Variants in PLPP4 observed in about 807,000 individuals in gnomAD.
The protein encoded by PLPP4 is diacylglycerol pyrophosphate like 2.
In PLPP4, 20 loss-of-function variants were observed where a neutral mutation model predicts 32.2. The ratio of observed to expected loss-of-function variants is 0.62; its 90% confidence interval spans 0.44 to 0.90. The LOEUF (loss-of-function observed/expected upper bound fraction) is 0.90. PLPP4 is among the 40% of genes least tolerant of loss of function. The pLI, the probability that PLPP4 is intolerant of heterozygous loss-of-function variation, is 0.00. For missense variants in PLPP4, 257 were observed against 353.1 expected, an observed-to-expected ratio of 0.73 and a Z score of 2.18; for synonymous variants, 127 against 133.0, an observed-to-expected ratio of 0.95 and a Z score of 0.31.
chr10:120,568,843 T>C (rs1312593372), intron 5 of PLPP4, among the ~76,000 whole-genome samples: 1 of 152,232 alleles, frequency 6.6e-6, no homozygotes, highest in Non-Finnish European at 1.5e-5. Context: ...GTCAGTAGTT[T>C]TCTCCAGTGC....
chr10:120,491,218 A>T (rs733221), intron 1 of PLPP4, among the ~76,000 whole-genome samples: 14,888 of 152,074 alleles, frequency 0.098, 973 homozygotes, highest in East Asian at 0.29. Flanking sequence ...AATTCTGCAG[A>T]TTTCCCTGGG....
At chr10:120,573,314 G>T (rs962284539) in intron 5 of PLPP4, among the ~76,000 whole-genome samples, 2 of 151,914 alleles carry the variant, frequency 1.3e-5, no homozygotes, top group Admixed American at 1.3e-4. Context: ...TTAAACCACT[G>T]TAACTTTGTT....
At chr10:120,532,076 A>T (rs1846765091) in intron 5 of PLPP4, among the ~76,000 whole-genome samples, 1 of 151,802 alleles carries the variant, frequency 6.6e-6, no homozygotes, top group Non-Finnish European at 1.5e-5. Context: ...CTACGCCCCC[A>T]ACAGGCCCTG....
At chr10:120,477,336 G>A (rs758586755) in intron 1 of PLPP4, among the ~76,000 whole-genome samples, 60 of 150,106 alleles carry the variant, frequency 4.0e-4, no homozygotes, top group Non-Finnish European at 6.6e-4. Flanking sequence ...GAATCTAAAG[G>A]TATGTCGAAT....
At chr10:120,503,540 A>C (rs562692775) in intron 1 of PLPP4, 396 of 1,599,074 alleles carry the variant, frequency 2.5e-4, no homozygotes, top group Non-Finnish European at 3.3e-4. Flanking sequence ...TTGGAACCCC[A>C]AGTCCTTGGA....
intron 5 of PLPP4, among the ~76,000 whole-genome samples, chr10:120,551,911 C>A (rs74632862): frequency 0.049 from 7,495 of 152,202 alleles, 222 homozygotes; most frequent in Admixed American, 0.096. Context: ...TGTCATCAAC[C>A]ATTCTGTTTT....
chr10:120,577,513 G>A (rs1384450884), intron 6 of PLPP4, among the ~76,000 whole-genome samples: 1 of 152,174 alleles, frequency 6.6e-6, no homozygotes, highest in Non-Finnish European at 1.5e-5. Context: ...AAGGCCTGTT[G>A]GCAACTGGGG....
At chr10:120,483,188 G>A (rs1275108890) in intron 1 of PLPP4, among the ~76,000 whole-genome samples, 1 of 152,118 alleles carries the variant, frequency 6.6e-6, no homozygotes, top group Non-Finnish European at 1.5e-5. Context: ...TTTGCCAGGG[G>A]CTCTCAGACA....
intron 1 of PLPP4, among the ~76,000 whole-genome samples, chr10:120,459,093 A>G (rs576987408): frequency 6.6e-6 from 1 of 152,364 alleles, no homozygotes; most frequent in South Asian, 2.1e-4. Context: ...TTACAGATAT[A>G]CAATGGTCTA....
At chr10:120,573,872 G>A (rs1204441853) in intron 5 of PLPP4, among the ~76,000 whole-genome samples, 1 of 152,126 alleles carries the variant, frequency 6.6e-6, no homozygotes, top group Admixed American at 6.5e-5. Flanking sequence ...CCTGCATGAT[G>A]CCCAGACCGT....
intron 1 of PLPP4, among the ~76,000 whole-genome samples, chr10:120,473,920 C>T (rs1198819196): frequency 6.6e-6 from 1 of 152,172 alleles, no homozygotes; most frequent in East Asian, 1.9e-4. Context: ...ATAAATTACC[C>T]AGTCTTAGGT....
At chr10:120,466,299 C>G (rs1286733771) in intron 1 of PLPP4, among the ~76,000 whole-genome samples, 4 of 151,766 alleles carry the variant, frequency 2.6e-5, no homozygotes, top group Non-Finnish European at 5.9e-5. Context: ...TATATATGTA[C>G]AAGAAATTAC....
chr10:120,458,527 A>G (rs1847894819), intron 1 of PLPP4, among the ~76,000 whole-genome samples: 1 of 152,092 alleles, frequency 6.6e-6, no homozygotes, highest in Admixed American at 6.6e-5. Flanking sequence ...TACACATGGA[A>G]AGAAATGCCC....
intron 2 of PLPP4, among the ~76,000 whole-genome samples, chr10:120,513,467 A>G (rs368503242): frequency 6.6e-6 from 1 of 152,320 alleles, no homozygotes. Flanking sequence ...AGAGATAAAT[A>G]TTCAACAAAA....
Position 120,459,718 on chromosome 10 carries a change from G to T in PLPP4, c.56+2357G>T, listed in dbSNP as rs138039243. On this transcript the variant is annotated intron_variant, in intron 1 of 6. Coordinates refer to ENST00000398250, the MANE Select transcript of PLPP4 (RefSeq NM_001030059.3). ...TTCTACCCTATTGCTCAGGATGAAA[G>T]AATTATCTGCGGGGAGAGGGGGTAT... is the stretch of plus-strand genomic sequence containing the variant. Among the ~76,000 whole-genome samples, 346 of 152,304 alleles carry T rather than the reference G, an allele frequency of 2.3e-3. 1 individual carries two copies. The highest frequency in any genetic ancestry group is 0.01 in the Middle Eastern group (3 of 294).
chr10:120,482,769 A>G (rs1021274877), intron 1 of PLPP4, among the ~76,000 whole-genome samples: 8 of 151,358 alleles, frequency 5.3e-5, no homozygotes, highest in African/African-American at 1.7e-4. Flanking sequence ...AAACTTAGCC[A>G]GGCATGGTGG....
In PLPP4 at chr10:120,484,395, C is replaced by T. The variant is rs542964469; in HGVS notation, c.57-19423C>T. On this transcript the variant is annotated intron_variant, in intron 1 of 6. Transcript: ENST00000398250. Reference sequence around the variant, plus strand: ...AACAGAAATGTATTGGTGCATGTTTCTGGAGATTAGGAAGTCCAAGATCGA... The same window carrying T: ...AACAGAAATGTATTGGTGCATGTTTTTGGAGATTAGGAAGTCCAAGATCGA... 8.9e-4 allele frequency among the ~76,000 whole-genome samples: 136 copies of T among 152,256 alleles called. 1 individual carries two copies. In the Middle Eastern group the frequency reaches 0.014, roughly 15 times the overall value.
chr10:120,491,369 C>T (rs1489866087), intron 1 of PLPP4, among the ~76,000 whole-genome samples: 1 of 152,204 alleles, frequency 6.6e-6, no homozygotes, highest in Non-Finnish European at 1.5e-5. Context: ...GAGAGGGCTC[C>T]TCAGTGCCCC....
chr10:120,514,099 T>G, intron 3 of PLPP4, 98 bp downstream of exon 3: 1 of 944,724 alleles, frequency 1.1e-6, no homozygotes, highest in East Asian at 2.4e-5. Flanking sequence ...ATTTTTTTCT[T>G]TTGGTCAAAT....
Sources: allele counts gnomAD v4.1 joint callset (sites outside exome capture counted in the v4.1 genomes callset), GRCh38; gene constraint gnomAD v4.1.1; transcripts MANE v1.5; gene names NCBI Gene and HGNC (gene_info 2026-07-23, HGNC 2026-07-21).